Variants in DPP10 observed in about 807,000 individuals in gnomAD.
DPP10 encodes inactive dipeptidyl peptidase 10.
A neutral mutation model predicts 120.9 loss-of-function variants in DPP10; 33 were observed. That is an observed-to-expected ratio of 0.27 (90% CI 0.21 to 0.37). The LOEUF is 0.37. DPP10 is among the 10% of genes least tolerant of loss of function. DPP10 has a pLI of 1.00. For synonymous variants in DPP10, 337 were observed against 326.1 expected (o/e 1.03, Z -0.36); for missense variants, 816 against 942.8 (o/e 0.87, Z 1.76).
chr2:114,747,860 C>G (rs1171013718), intron 1 of DPP10, among the ~76,000 whole-genome samples: 3 of 152,100 alleles, frequency 2.0e-5, no homozygotes, highest in African/African-American at 7.2e-5. Flanking sequence ...AACACTAGAT[C>G]ATCTCATTTA....
At chr2:115,257,354 C>T (rs1003576529) in intron 1 of DPP10, among the ~76,000 whole-genome samples, 2 of 152,150 alleles carry the variant, frequency 1.3e-5, no homozygotes, top group African/African-American at 2.4e-5. Context: ...GTGTAATTGA[C>T]TCACAGTTCT....
chr2:115,711,915 G>GTTTTTTTT lies in DPP10; in HGVS notation c.577-15901_577-15900insTTTTTTTT, dbSNP rs1491280011. 6.2e-5 allele frequency among the ~76,000 whole-genome samples: 6 copies of GTTTTTTTT among 96,984 alleles called. 2 individuals are homozygous for GTTTTTTTT. Among genetic ancestry groups the GTTTTTTTT allele is most frequent in the Non-Finnish European group, 5.9e-5 (3 of 50,820 alleles). 63.6% of individuals were successfully genotyped at this position (96,984 alleles called of 152,430 possible). A position where few individuals can be genotyped will look rare whatever the true frequency, so the allele number is the denominator to read the frequency against. On this transcript the variant is annotated intron_variant, in intron 7 of 25. Transcript: ENST00000410059. ...GAATATTGGACCTATAAAATGGTCTGGTTTTTTTTTTTTTTTTTTTTTTGG... is the reference window on the plus strand; with the variant it reads ...GAATATTGGACCTATAAAATGGTCTGTTTTTTTTGTTTTTTTTTTTTTTTTTTTTTTGG...
chr2:115,668,868 A>G (rs887083349), intron 5 of DPP10, among the ~76,000 whole-genome samples: 7 of 152,146 alleles, frequency 4.6e-5, no homozygotes, highest in Middle Eastern at 3.2e-3. Flanking sequence ...TATCAGCCTT[A>G]GGTAGGAAAG....
intron 1 of DPP10, among the ~76,000 whole-genome samples, chr2:114,995,877 A>G (rs11888046): frequency 0.018 from 2,755 of 152,324 alleles, 80 homozygotes; most frequent in African/African-American, 0.064. Context: ...CATTTTTAGA[A>G]TAAAAATTAC....
At chr2:114,734,376 G>A (rs72830379) in intron 1 of DPP10, among the ~76,000 whole-genome samples, 1,867 of 152,222 alleles carry the variant, frequency 0.012, 15 homozygotes, top group Middle Eastern at 0.034. Context: ...ATCTTGACCT[G>A]AACATTCCTT....
chr2:115,319,319 A>G (rs1574407379), intron 2 of DPP10, among the ~76,000 whole-genome samples: 1 of 152,068 alleles, frequency 6.6e-6, no homozygotes, highest in Admixed American at 6.6e-5. Context: ...GGATTTTTAC[A>G]TCTGTATTTA....
chr2:114,703,345 G>C (rs1700498768), intron 1 of DPP10, among the ~76,000 whole-genome samples: 1 of 152,128 alleles, frequency 6.6e-6, no homozygotes, highest in Non-Finnish European at 1.5e-5. Flanking sequence ...ATTGTAAATA[G>C]GCTAGCAGAG....
At chr2:115,103,283 G>A (rs2048790548) in intron 1 of DPP10, among the ~76,000 whole-genome samples, 1 of 151,498 alleles carries the variant, frequency 6.6e-6, no homozygotes, top group Non-Finnish European at 1.5e-5. Context: ...CCCCTCCCGG[G>A]TTCATGCCAT....
intron 1 of DPP10, among the ~76,000 whole-genome samples, chr2:114,451,450 G>A (rs1324652504): frequency 6.6e-6 from 1 of 152,024 alleles, no homozygotes; most frequent in Non-Finnish European, 1.5e-5. Context: ...TAAATACTTA[G>A]GTTTGTCGTT....
chr2:115,112,268 G>A (rs1285823062), intron 1 of DPP10, among the ~76,000 whole-genome samples: 4 of 151,392 alleles, frequency 2.6e-5, no homozygotes, highest in African/African-American at 9.7e-5. Context: ...TGTTTCCTGG[G>A]ACATTTTCTC....
chr2:115,508,571 C>T (rs2148825515), intron 4 of DPP10, among the ~76,000 whole-genome samples: 1 of 152,222 alleles, frequency 6.6e-6, no homozygotes, highest in Non-Finnish European at 1.5e-5. Context: ...AATGCATTGG[C>T]TGTATCTGTT....
At chr2:114,744,193 G>A (rs555202244) in intron 1 of DPP10, among the ~76,000 whole-genome samples, 21 of 152,282 alleles carry the variant, frequency 1.4e-4, no homozygotes, top group African/African-American at 4.6e-4. Flanking sequence ...TCTGATGATG[G>A]CATGCCCTGC....
chr2:115,089,901 T>A (rs781352504), intron 1 of DPP10, among the ~76,000 whole-genome samples: 5 of 152,156 alleles, frequency 3.3e-5, no homozygotes, highest in Non-Finnish European at 7.4e-5. Flanking sequence ...TAGGAAATAG[T>A]TGGTTCCTAG....
At chr2:115,377,071 A>G (rs2065867250) in intron 3 of DPP10, among the ~76,000 whole-genome samples, 1 of 151,676 alleles carries the variant, frequency 6.6e-6, no homozygotes, top group Non-Finnish European at 1.5e-5. Flanking sequence ...ATACCCAGTA[A>G]TGGGATTGCT....
At chr2:115,045,908 GT>G (rs1705028957) in intron 1 of DPP10, among the ~76,000 whole-genome samples, 1 of 152,138 alleles carries the variant, frequency 6.6e-6, no homozygotes, top group Admixed American at 6.6e-5. Context: ...GTTTATAGGG[GT>G]TTTGTTTGAT....
chr2:115,809,254 G>T (rs1208392326), intron 19 of DPP10, among the ~76,000 whole-genome samples: 2 of 152,126 alleles, frequency 1.3e-5, no homozygotes, highest in East Asian at 1.9e-4. Flanking sequence ...CCAATATGTG[G>T]ATCTATGTGT....
intron 1 of DPP10, among the ~76,000 whole-genome samples, chr2:114,947,983 T>C (rs1179932377): frequency 6.6e-6 from 1 of 152,102 alleles, no homozygotes; most frequent in African/African-American, 2.4e-5. Context: ...TAGCTCTCTT[T>C]AGTTTTAAAA....
chr2:114,562,817 C>A (rs897564993), intron 1 of DPP10, among the ~76,000 whole-genome samples: 6 of 152,152 alleles, frequency 3.9e-5, no homozygotes, highest in Admixed American at 3.9e-4. Context: ...GTATATGTAA[C>A]CTTTCCAAAT....
chr2:114,670,103 T>A (rs1698217448), intron 1 of DPP10, among the ~76,000 whole-genome samples: 1 of 152,136 alleles, frequency 6.6e-6, no homozygotes, highest in African/African-American at 2.4e-5. Flanking sequence ...ATTGTGGAAG[T>A]CGGTGTGGAG....
Sources: gnomAD v4.1 joint callset for allele counts (sites outside exome capture counted in the v4.1 genomes callset) on GRCh38, gnomAD v4.1.1 for gene constraint, MANE v1.5 for transcripts, NCBI Gene and HGNC (gene_info 2026-07-23, HGNC 2026-07-21) for gene names.